TBC1D8B: variants seen among roughly 807,000 people sequenced by gnomAD.
TBC1D8B encodes the protein TBC1 domain family member 8B.
TBC1D8B carries 75 observed loss-of-function variants against 82.9 expected under a neutral mutation model. The observed-to-expected ratio is 0.90, with a 90% confidence interval of 0.75 to 1.10. The LOEUF (loss-of-function observed/expected upper bound fraction) is 1.10. Among genes scored for constraint, TBC1D8B ranks in the 50% least tolerant of loss-of-function variants. TBC1D8B has a pLI of 0.00. For synonymous variants in TBC1D8B, 276 were observed against 276.8 expected (o/e 1.00, Z 0.03); for missense variants, 794 against 796.9 (o/e 1.00, Z 0.04).
intron 1 of TBC1D8B, among the ~76,000 whole-genome samples, chrX:106,810,293 G>A (rs1931327564): frequency 9.0e-6 from 1 of 111,695 alleles, no homozygotes; most frequent in African/African-American, 3.3e-5. Flanking sequence ...GAAGTGGTGG[G>A]AGGAGGGGGG....
chrX:106,832,213 G>A (rs1304314279), intron 7 of TBC1D8B, among the ~76,000 whole-genome samples: 1 of 111,090 alleles, frequency 9.0e-6, no homozygotes, highest in Non-Finnish European at 1.9e-5. Context: ...CTGTGAGAAT[G>A]TCAAAGACAT....
intron 7 of TBC1D8B, among the ~76,000 whole-genome samples, chrX:106,830,493 C>T (rs1318854609): frequency 1.8e-5 from 2 of 110,967 alleles, no homozygotes; most frequent in Admixed American, 1.9e-4. Flanking sequence ...GACACATGCA[C>T]ACATATGTTT....
intron 3 of TBC1D8B, among the ~76,000 whole-genome samples, chrX:106,821,319 T>C (rs1427265979): frequency 1.8e-5 from 2 of 111,366 alleles, no homozygotes; most frequent in African/African-American, 6.5e-5. Context: ...TGTTTGTCTT[T>C]GGTGCCCTTG....
At chrX:106,834,010 C>G (rs997560298) in intron 7 of TBC1D8B, among the ~76,000 whole-genome samples, 1 of 110,436 alleles carries the variant, frequency 9.1e-6, no homozygotes, top group Non-Finnish European at 1.9e-5. Context: ...GACCTATACT[C>G]TCTAATCATT....
chrX:106,843,287 CA>C (rs1368597283), intron 10 of TBC1D8B, among the ~76,000 whole-genome samples: 1 of 111,631 alleles, frequency 9.0e-6, no homozygotes, highest in African/African-American at 3.2e-5. Flanking sequence ...AAAGAGACTG[CA>C]CCATTTTATA....
In TBC1D8B at chrX:106,808,683, A is replaced by G. The variant is rs1323021293; in HGVS notation, c.130+5700A>G. Among the ~76,000 whole-genome samples the G allele has an allele frequency of 2.3e-4, 26 of 112,389 alleles. No homozygotes were observed. In the Admixed American group the frequency reaches 2.5e-3, roughly 11 times the overall value. ...GCCCAAAACCTGGAAGTTCTCAAAC[A>G]GTGCTTCCGTAGATATCAGCATCAC... On this transcript the variant is annotated intron_variant, in intron 1 of 20. Coordinates refer to ENST00000357242, the MANE Select transcript of TBC1D8B (RefSeq NM_017752.3).
At chrX:106,871,967 GTTC>G (rs1168470477) in intron 20 of TBC1D8B, among the ~76,000 whole-genome samples, 2 of 111,268 alleles carry the variant, frequency 1.8e-5, no homozygotes, top group South Asian at 3.9e-4. Flanking sequence ...ATGAGGATGA[GTTC>G]TTCTTTACCT....
intron 1 of TBC1D8B, 141 bp downstream of exon 1, chrX:106,803,124 C>T (rs1417794719): frequency 1.4e-5 from 10 of 702,260 alleles, no homozygotes; most frequent in Non-Finnish European, 2.0e-5. Flanking sequence ...CCCGACACCA[C>T]CTTTCCGCCA....
Position 106,802,962 on chromosome X carries a change from G to A in TBC1D8B, c.109G>A (p.Glu37Lys), listed in dbSNP as rs780375144. 10 of 1,206,656 alleles carry A rather than the reference G, an allele frequency of 8.3e-6. No homozygotes were observed. The South Asian group carries it at 1.6e-4, about 19-fold the overall frequency. ...VLQRRRGYGE[E>K]GGGGLTGLLV... ...GCAGCGGCGTCGGGGCTACGGGGAG[G>A]AAGGCGGAGGGGGGCTCACAGGTAA... Residue 37 changes from glutamate (E) to lysine (K), a missense_variant, in exon 1 of 21, where the codon GAA becomes AAA. By Grantham distance (56) the Glu-to-Lys change is moderately conservative. Transcript: ENST00000357242.
intron 17 of TBC1D8B, among the ~76,000 whole-genome samples, chrX:106,867,943 AGG>A (rs1175834669): frequency 9.0e-6 from 1 of 111,418 alleles, no homozygotes; most frequent in Non-Finnish European, 1.9e-5. Context: ...CTTTTAACAG[AGG>A]GATAAAAAAA....
chrX:106,835,161 C>G (rs986501381), intron 7 of TBC1D8B, among the ~76,000 whole-genome samples: 7 of 112,707 alleles, frequency 6.2e-5, no homozygotes, highest in Non-Finnish European at 1.3e-4. Flanking sequence ...TCCATACATC[C>G]TCTGAAATCT....
chrX:106,850,266 G>T lies in TBC1D8B; in HGVS notation c.2079G>T (p.Leu693=), dbSNP rs774509829. 9 of 1,210,055 alleles carry T rather than the reference G, an allele frequency of 7.4e-6. No individual in the cohort carries two copies. Among genetic ancestry groups the T allele is most frequent in the Non-Finnish European group, 1.0e-5 (9 of 894,854 alleles). ...TACTTGACTATAATTTAGACAAACTGCTGACTTGTAAAGATGATGCTGAAG... is the reference window on the plus strand; with the variant it reads ...TACTTGACTATAATTTAGACAAACTTCTGACTTGTAAAGATGATGCTGAAG... The part of the protein sequence containing the change: ...LAILDYNLDK[L]LTCKDDAEAV... Residue 693 remains leucine, a synonymous_variant, in exon 12 of 21, where the codon CTG becomes CTT. Coordinates refer to ENST00000357242, the MANE Select transcript of TBC1D8B (RefSeq NM_017752.3).
chrX:106,830,801 G>C (rs1370707553), intron 7 of TBC1D8B, among the ~76,000 whole-genome samples: 1 of 75,321 alleles, frequency 1.3e-5, no homozygotes, highest in Admixed American at 1.7e-4. Context: ...GTGGTGGGGT[G>C]GGGGGAGGGG....
At chrX:106,831,793 AAT>A (rs1932054843) in intron 7 of TBC1D8B, among the ~76,000 whole-genome samples, 1 of 111,640 alleles carries the variant, frequency 9.0e-6, no homozygotes, top group South Asian at 3.7e-4. Context: ...GGTTTTAATA[AAT>A]ATATGTACAA....
chrX:106,831,612 G>T (rs989414165), intron 7 of TBC1D8B, among the ~76,000 whole-genome samples: 11 of 111,332 alleles, frequency 9.9e-5, no homozygotes, highest in Non-Finnish European at 1.7e-4. Flanking sequence ...CCTTTAATTT[G>T]CTTTTCCAAA....
intron 10 of TBC1D8B, among the ~76,000 whole-genome samples, chrX:106,841,177 A>T (rs1335119928): frequency 8.9e-6 from 1 of 112,069 alleles, no homozygotes; most frequent in Non-Finnish European, 1.9e-5. Flanking sequence ...CCTTAAAAGT[A>T]TGTAGACCAG....
chrX:106,861,929 A>G (rs1369948499), intron 14 of TBC1D8B, among the ~76,000 whole-genome samples: 1 of 112,128 alleles, frequency 8.9e-6, no homozygotes, highest in Non-Finnish European at 1.9e-5. Context: ...TGTAAGGCAG[A>G]TCTAATGAAC....
intron 7 of TBC1D8B, among the ~76,000 whole-genome samples, chrX:106,832,296 T>G (rs1434379419): frequency 9.0e-6 from 1 of 111,700 alleles, no homozygotes; most frequent in African/African-American, 3.2e-5. Context: ...AGTTTTTATA[T>G]GGGTATATAT....
At chrX:106,852,488 C>T (rs1248663712) in intron 12 of TBC1D8B, among the ~76,000 whole-genome samples, 2 of 111,755 alleles carry the variant, frequency 1.8e-5, no homozygotes, top group Admixed American at 9.5e-5. Context: ...GAAGTGCTTG[C>T]ACATGCCTAT....
Sources: allele counts gnomAD v4.1 joint callset (sites outside exome capture counted in the v4.1 genomes callset), GRCh38; gene constraint gnomAD v4.1.1; transcripts MANE v1.5; gene names NCBI Gene and HGNC (gene_info 2026-07-23, HGNC 2026-07-21).